Variants in CCDC158 observed in about 807,000 individuals in gnomAD.
CCDC158 encodes coiled-coil domain containing 158.
CCDC158 carries 116 observed loss-of-function variants against 138.6 expected under a neutral mutation model. That is an observed-to-expected ratio of 0.84 (90% CI 0.72 to 0.98). The LOEUF is 0.98. CCDC158 is among the 50% of genes least tolerant of loss of function. The pLI is 0.00. For synonymous variants in CCDC158, 436 were observed against 442.4 expected (o/e 0.99, Z 0.18); for missense variants, 1,265 against 1,306.1 (o/e 0.97, Z 0.48).
At position 76,357,388 on chromosome 4, in the gene CCDC158, C is replaced by A. The variant is rs745940760; in HGVS notation, c.2159G>T (p.Gly720Val). 6.4e-7 allele frequency: 1 copy of A among 1,572,280 alleles called. No individual in the cohort carries two copies. Among genetic ancestry groups the A allele is most frequent in the Non-Finnish European group, 8.6e-7 (1 of 1,163,196 alleles). The change falls in exon 14 of 25, where the codon GGA becomes GTA. Residue 720 changes from glycine to valine, a missense_variant. By Grantham distance (109) the Gly-to-Val change is moderately radical. Coordinates refer to ENST00000682701, the MANE Select transcript of CCDC158 (RefSeq NM_001394954.1). ...QTRNTLKSMEGSDGHAMKVAM... is the reference protein window; with the variant it reads ...QTRNTLKSMEVSDGHAMKVAM... Reference sequence around the variant, plus strand: ...ACAGAGCATACCATGACCATCAGATCCTTCCATTGACTTTAATGTATTTCT... The same window carrying A: ...ACAGAGCATACCATGACCATCAGATACTTCCATTGACTTTAATGTATTTCT...
chr4:76,366,862 C>G (rs1013703211), intron 12 of CCDC158, among the ~76,000 whole-genome samples: 1 of 152,050 alleles, frequency 6.6e-6, no homozygotes, highest in Non-Finnish European at 1.5e-5. Flanking sequence ...CTCACAGTAA[C>G]CCAACAGGTT....
intron 8 of CCDC158, among the ~76,000 whole-genome samples, chr4:76,382,065 G>A (rs1167863709): frequency 6.6e-6 from 1 of 152,164 alleles, no homozygotes; most frequent in African/African-American, 2.4e-5. Context: ...TCAGGGGAGG[G>A]GCCTTGTGGG....
intron 2 of CCDC158, among the ~76,000 whole-genome samples, chr4:76,405,414 T>C (rs940328215): frequency 2.0e-5 from 3 of 152,288 alleles, no homozygotes; most frequent in Non-Finnish European, 2.9e-5. Flanking sequence ...AGAAGACCAC[T>C]GTAAAATGTG....
intron 18 of CCDC158, among the ~76,000 whole-genome samples, chr4:76,341,010 A>T (rs10031555): frequency 0.85 from 130,052 of 152,136 alleles, 55,702 homozygotes; most frequent in South Asian, 0.94. Flanking sequence ...AGCTTATACA[A>T]TAAGTTGTTA....
intron 2 of CCDC158, among the ~76,000 whole-genome samples, chr4:76,410,874 T>C (rs1490663623): frequency 6.6e-6 from 1 of 152,242 alleles, no homozygotes; most frequent in Non-Finnish European, 1.5e-5. Flanking sequence ...ATCCTAGCTC[T>C]GTGATCTACT....
At chr4:76,335,815 C>G (rs1042642059) in intron 18 of CCDC158, among the ~76,000 whole-genome samples, 1 of 152,118 alleles carries the variant, frequency 6.6e-6, no homozygotes, top group Non-Finnish European at 1.5e-5. Flanking sequence ...TCAGGCGATC[C>G]ACGCATCTTG....
intron 18 of CCDC158, among the ~76,000 whole-genome samples, chr4:76,339,998 A>G (rs1298206597): frequency 6.6e-6 from 1 of 152,218 alleles, no homozygotes; most frequent in Admixed American, 6.5e-5. Flanking sequence ...GAGCCGCTCC[A>G]GAGATTTCTT....
At chr4:76,350,720 T>C (rs1025488762) in intron 18 of CCDC158, among the ~76,000 whole-genome samples, 2 of 152,180 alleles carry the variant, frequency 1.3e-5, no homozygotes, top group Non-Finnish European at 2.9e-5. Context: ...TTTGAAGTGA[T>C]GTTTATTTTA....
chr4:76,334,058 T>G lies in CCDC158; in HGVS notation c.2774A>C (p.Lys925Thr). Reference protein sequence around the residue: ...INEEPAVSLSKTEEDGRTSLG... With the variant: ...INEEPAVSLSTTEEDGRTSLG... ...AGATGTTCTTCCATCTTCCTCTGTCTTGCTCAGAGACACAGCTGGCTCCTC... is the reference window on the plus strand; with the variant it reads ...AGATGTTCTTCCATCTTCCTCTGTCGTGCTCAGAGACACAGCTGGCTCCTC... Residue 925 changes from lysine (K) to threonine (T), a missense_variant, in exon 19 of 25, where the codon AAG (lysine) becomes ACG (threonine). Physicochemically the swap from Lys to Thr is moderately conservative, Grantham distance 78 (BLOSUM62 -1). Coordinates refer to ENST00000682701, the MANE Select transcript of CCDC158 (RefSeq NM_001394954.1). 1 of 1,613,926 alleles carries G rather than the reference T, an allele frequency of 6.2e-7. No homozygotes were observed. The highest frequency in any genetic ancestry group is 8.5e-7 in the Non-Finnish European group (1 of 1,179,834).
chr4:76,383,236 A>G (rs1326404542), intron 7 of CCDC158, among the ~76,000 whole-genome samples: 1 of 152,142 alleles, frequency 6.6e-6, no homozygotes, highest in East Asian at 1.9e-4. Flanking sequence ...AAGTCAGTTT[A>G]GTCCTCCCAC....
intron 13 of CCDC158, among the ~76,000 whole-genome samples, chr4:76,361,157 G>A (rs1328971703): frequency 1.3e-5 from 2 of 152,174 alleles, no homozygotes; most frequent in East Asian, 1.9e-4. Flanking sequence ...ATGTGAATAT[G>A]TGCTTGCTTC....
rs1416386599 is a variant in CCDC158, at chr4:76,328,946, T to C, written c.2964A>G (p.Ala988=). The C allele has an allele frequency of 6.2e-7, 1 of 1,613,866 alleles. No homozygotes were observed. Among genetic ancestry groups the C allele is most frequent in the South Asian group, 1.1e-5 (1 of 91,062 alleles). ...AACCAGAGGGATCTTCCCTGTCTCCTGCGTGTAATGTGACTGGCTCTCTGG... is the reference window on the plus strand; with the variant it reads ...AACCAGAGGGATCTTCCCTGTCTCCCGCGTGTAATGTGACTGGCTCTCTGG... ...TLSREPVTLH[A]GDREDPSGCF... Residue 988 remains alanine (A), a synonymous_variant, in exon 22 of 25, where the codon GCA becomes GCG. Coordinates refer to ENST00000682701, the MANE Select transcript of CCDC158 (RefSeq NM_001394954.1).
At chr4:76,332,908 CT>C (rs2110105979) in intron 19 of CCDC158, among the ~76,000 whole-genome samples, 1 of 152,292 alleles carries the variant, frequency 6.6e-6, no homozygotes, top group South Asian at 2.1e-4. Flanking sequence ...GTAACTTTTA[CT>C]TCTGGCTTTT....
intron 1 of CCDC158, among the ~76,000 whole-genome samples, chr4:76,416,910 G>GT (rs1729744443): frequency 6.6e-6 from 1 of 152,204 alleles, no homozygotes; most frequent in African/African-American, 2.4e-5. Context: ...TCCCTACTGG[G>GT]CACTGCCTAA....
intron 9 of CCDC158, among the ~76,000 whole-genome samples, chr4:76,377,764 GC>G (rs2110282575): frequency 1.3e-5 from 2 of 152,300 alleles, no homozygotes; most frequent in Non-Finnish European, 2.9e-5. Context: ...TTGCTCAGAG[GC>G]GGCACTGGTT....
chr4:76,341,695 T>C (rs1363614614), intron 18 of CCDC158, among the ~76,000 whole-genome samples: 1 of 152,254 alleles, frequency 6.6e-6, no homozygotes, highest in African/African-American at 2.4e-5. Context: ...TACATATATG[T>C]GTATATGTAT....
chr4:76,377,604 C>T (rs17001879), intron 9 of CCDC158, among the ~76,000 whole-genome samples: 1 of 152,090 alleles, frequency 6.6e-6, no homozygotes, highest in African/African-American at 2.4e-5. Flanking sequence ...GTGGACATTC[C>T]TGCTATAAAT....
chr4:76,408,084 ATTAT>A (rs1728977996), intron 2 of CCDC158, among the ~76,000 whole-genome samples: 1 of 151,158 alleles, frequency 6.6e-6, no homozygotes, highest in African/African-American at 2.4e-5. Context: ...AAATTTTATT[ATTAT>A]TATTTTTTAC....
chr4:76,340,832 C>T (rs1349454455), intron 18 of CCDC158, among the ~76,000 whole-genome samples: 1 of 152,118 alleles, frequency 6.6e-6, no homozygotes, highest in East Asian at 1.9e-4. Context: ...CCCAAAATCA[C>T]CCCCCGCCTC....
Sources: allele counts gnomAD v4.1 joint callset (sites outside exome capture counted in the v4.1 genomes callset), GRCh38; gene constraint gnomAD v4.1.1; transcripts MANE v1.5; gene names NCBI Gene and HGNC (gene_info 2026-07-23, HGNC 2026-07-21).